Variants in ITPR2 observed in about 807,000 individuals in gnomAD.
ITPR2 encodes inositol 1,4,5-trisphosphate receptor type 2, also known as inositol 1,4,5-trisphosphate-gated calcium channel ITPR2.
A neutral mutation model predicts 317.1 loss-of-function variants in ITPR2; 207 were observed. The observed-to-expected ratio is 0.65, with a 90% CI of 0.58 to 0.73. ITPR2 has a LOEUF of 0.73. Among genes scored for constraint, ITPR2 ranks in the 30% least tolerant of loss-of-function variants. The probability of loss-of-function intolerance (pLI) is 0.00; values close to 1 mark genes in which losing one functional copy is unlikely to be tolerated. For missense variants in ITPR2, 2,613 were observed against 3,284.0 expected, an observed-to-expected ratio of 0.80 and a Z score of 4.99; for synonymous variants, 1,156 against 1,149.1, an observed-to-expected ratio of 1.01 and a Z score of -0.12.
chr12:26,507,978 G>A (rs1226812105), intron 37 of ITPR2, among the ~76,000 whole-genome samples: 1 of 151,798 alleles, frequency 6.6e-6, no homozygotes, highest in African/African-American at 2.4e-5. Context: ...AATGAATTAG[G>A]TCTTTGAAGT....
chr12:26,382,771 A>G (rs1199272843), intron 55 of ITPR2, among the ~76,000 whole-genome samples: 1 of 152,230 alleles, frequency 6.6e-6, no homozygotes, highest in Admixed American at 6.5e-5. Flanking sequence ...ACAAAGACAC[A>G]TATGTGTTTC....
chr12:26,758,182 C>T (rs1202200643), intron 2 of ITPR2, among the ~76,000 whole-genome samples: 5 of 152,090 alleles, frequency 3.3e-5, no homozygotes, highest in Non-Finnish European at 7.4e-5. Context: ...TCTCCATCCC[C>T]CCATTTCTAA....
chr12:26,547,626 C>T (rs1318372466), intron 37 of ITPR2, among the ~76,000 whole-genome samples: 1 of 152,162 alleles, frequency 6.6e-6, no homozygotes, highest in African/African-American at 2.4e-5. Context: ...CATTATTCAC[C>T]ACAGCAAAGA....
At chr12:26,815,267 A>C (rs1300758917) in intron 1 of ITPR2, among the ~76,000 whole-genome samples, 2 of 152,016 alleles carry the variant, frequency 1.3e-5, no homozygotes, top group East Asian at 3.9e-4. Context: ...GGGAGGCAGA[A>C]GTTTCAGTAA....
At chr12:26,682,983 G>T (rs115009823) in intron 11 of ITPR2, among the ~76,000 whole-genome samples, 1 of 152,108 alleles carries the variant, frequency 6.6e-6, no homozygotes, top group African/African-American at 2.4e-5. Context: ...TGGGGGTGTG[G>T]CCCAACAATG....
intron 2 of ITPR2, among the ~76,000 whole-genome samples, chr12:26,783,101 TAAAG>T (rs1474737320): frequency 6.6e-6 from 1 of 152,218 alleles, no homozygotes; most frequent in Non-Finnish European, 1.5e-5. Flanking sequence ...GGAACTGAGT[TAAAG>T]AAGAGATTTT....
chr12:26,797,620 A>G (rs1301763500), intron 1 of ITPR2, among the ~76,000 whole-genome samples: 1 of 151,780 alleles, frequency 6.6e-6, no homozygotes, highest in African/African-American at 2.4e-5. Context: ...TGACATTACT[A>G]AAAGCTTTTA....
chr12:26,815,280 C>T (rs1274091836), intron 1 of ITPR2, among the ~76,000 whole-genome samples: 1 of 151,998 alleles, frequency 6.6e-6, no homozygotes, highest in Non-Finnish European at 1.5e-5. Context: ...TTCAGTAAGC[C>T]AAGATTGTGC....
At chr12:26,514,259 G>A (rs1943433236) in intron 37 of ITPR2, among the ~76,000 whole-genome samples, 2 of 152,158 alleles carry the variant, frequency 1.3e-5, no homozygotes, top group South Asian at 4.1e-4. Flanking sequence ...TGAATTGAAG[G>A]ATAGCACTGG....
At chr12:26,772,034 T>C (rs1949853369) in intron 2 of ITPR2, among the ~76,000 whole-genome samples, 1 of 152,072 alleles carries the variant, frequency 6.6e-6, no homozygotes, top group Non-Finnish European at 1.5e-5. Context: ...TTAGTTGTCA[T>C]TGATTTACCG....
At chr12:26,516,255 A>G (rs867893165) in intron 37 of ITPR2, among the ~76,000 whole-genome samples, 11 of 36,912 alleles carry the variant, frequency 3.0e-4, no homozygotes, top group Non-Finnish European at 3.9e-4. Context: ...AGGAAAGGAA[A>G]GGAAAGGAAA....
At chr12:26,763,399 C>CT (rs573800521) in intron 2 of ITPR2, among the ~76,000 whole-genome samples, 1 of 151,916 alleles carries the variant, frequency 6.6e-6, no homozygotes, top group Non-Finnish European at 1.5e-5. Flanking sequence ...AAAGGTATGA[C>CT]TTTTTTTCCC....
At chr12:26,573,988 A>G (rs1053023538) in intron 34 of ITPR2, among the ~76,000 whole-genome samples, 1 of 152,216 alleles carries the variant, frequency 6.6e-6, no homozygotes, top group South Asian at 2.1e-4. Flanking sequence ...ATGATGGTAG[A>G]TTTGGACAAG....
At chr12:26,649,279 C>G (rs919350093) in intron 21 of ITPR2, 16 of 152,048 alleles carry the variant, frequency 1.1e-4, no homozygotes, top group African/African-American at 3.9e-4. Context: ...AGACATCATG[C>G]CCTTTCAACT....
chr12:26,371,592 T>A (rs1022818945), intron 55 of ITPR2, among the ~76,000 whole-genome samples: 1 of 152,348 alleles, frequency 6.6e-6, no homozygotes, highest in South Asian at 2.1e-4. Context: ...GAAGATTTTA[T>A]TTTCTGAAGA....
intron 13 of ITPR2, 106 bp downstream of exon 13, chr12:26,681,768 A>G (rs1948034744): frequency 1.3e-6 from 1 of 746,932 alleles, no homozygotes; most frequent in African/African-American, 1.7e-5. Context: ...CAAGTGTGCT[A>G]TCGAGAATGT....
intron 37 of ITPR2, among the ~76,000 whole-genome samples, chr12:26,543,386 A>G (rs1565592648): frequency 6.6e-6 from 1 of 152,076 alleles, no homozygotes; most frequent in Non-Finnish European, 1.5e-5. Flanking sequence ...TGTGACAGAG[A>G]CAGGGGAAGA....
rs79256687 is a variant in ITPR2 at position 26,514,790 on chromosome 12, T to A, written c.5074-19530A>T. 7.9e-3 allele frequency among the ~76,000 whole-genome samples: 896 copies of A among 112,744 alleles called. 15 individuals carry two copies. The highest frequency in any genetic ancestry group is 0.039 in the Admixed American group (481 of 12,260). 74.0% of individuals were successfully genotyped at this position (112,744 alleles called of 152,430 possible). A position where few individuals can be genotyped will look rare whatever the true frequency, so the allele number is the denominator to read the frequency against. On this transcript the variant is annotated intron_variant, in intron 37 of 56. Coordinates refer to ENST00000381340, the MANE Select transcript of ITPR2 (RefSeq NM_002223.4). ...TTTGGTTACGCACAATAATAAAAAA[T>A]AAATAAGATTTAATGAAGAGCTGAC... is the stretch of plus-strand genomic sequence containing the variant.
In ITPR2 at chr12:26,356,893, G is replaced by A. The variant is rs140049430; in HGVS notation, c.7858-16565C>T. ...TTTTGAAACATTTCACTGATTATTTGTTTTTATGGGGTATCAATCTGATAG... is the reference window on the plus strand; with the variant it reads ...TTTTGAAACATTTCACTGATTATTTATTTTTATGGGGTATCAATCTGATAG... On this transcript the variant is annotated intron_variant, in intron 55 of 56. Coordinates refer to ENST00000381340, the MANE Select transcript of ITPR2 (RefSeq NM_002223.4). 4.8e-3 allele frequency among the ~76,000 whole-genome samples: 737 copies of A among 152,142 alleles called. 8 individuals carry two copies. Among genetic ancestry groups the A allele is most frequent in the African/African-American group, 0.017 (694 of 41,504 alleles).
Sources: allele counts gnomAD v4.1 joint callset (sites outside exome capture counted in the v4.1 genomes callset), GRCh38; gene constraint gnomAD v4.1.1; transcripts MANE v1.5; gene names NCBI Gene and HGNC (gene_info 2026-07-23, HGNC 2026-07-21).